Variants in SOX6 observed in about 807,000 individuals in gnomAD.
SOX6 encodes transcription factor SOX-6.
In SOX6, 11 loss-of-function variants were observed where a neutral mutation model predicts 97.8. The observed-to-expected ratio is 0.11, with a 90% CI of 0.07 to 0.19. The LOEUF is 0.19. Among genes scored for constraint, SOX6 ranks in the 10% least tolerant of loss-of-function variants. The pLI is 1.00. For synonymous variants in SOX6, 360 were observed against 371.4 expected (o/e 0.97, Z 0.35); for missense variants, 810 against 1,039.5 (o/e 0.78, Z 3.04).
chr11:16,528,149 G>A (rs1164870325), intron 4 of SOX6, among the ~76,000 whole-genome samples: 3 of 152,034 alleles, frequency 2.0e-5, no homozygotes. Flanking sequence ...CACAGGATAA[G>A]AGGCCCGGTA....
chr11:16,535,316 C>A (rs1861291212), intron 4 of SOX6, among the ~76,000 whole-genome samples: 2 of 152,168 alleles, frequency 1.3e-5, no homozygotes, highest in Admixed American at 6.5e-5. Context: ...ATTATTTATA[C>A]CTATGCCCCA....
chr11:16,443,265 C>A (rs1859541797), intron 1 of SOX6, among the ~76,000 whole-genome samples: 1 of 152,042 alleles, frequency 6.6e-6, no homozygotes, highest in Non-Finnish European at 1.5e-5. Context: ...ATGATTTCTC[C>A]TTTACTTGTC....
At chr11:16,484,195 G>A (rs1267996981) in intron 4 of SOX6, 6 of 800,434 alleles carry the variant, frequency 7.5e-6, no homozygotes, top group African/African-American at 1.7e-5. Flanking sequence ...TGAAGTTGGA[G>A]ATGCCAATAG....
Position 16,194,506 on chromosome 11 carries a change from G to A in SOX6, c.536-7551C>T, listed in dbSNP as rs116852628. On this transcript the variant is annotated intron_variant, in intron 4 of 15. Transcript: ENST00000683767. The stretch of plus-strand genomic sequence containing the variant: ...CAGGAAGTGTGCCTCATGAGTTGAG[G>A]TATAGGCTGTTTGTTACTGTTGTTG... 7.9e-5 allele frequency among the ~76,000 whole-genome samples: 12 copies of A among 152,232 alleles called. No individual in the cohort carries two copies. In the East Asian group the frequency reaches 2.3e-3, roughly 29 times the overall value.
At chr11:16,484,942 T>C (rs924193528) in intron 4 of SOX6, among the ~76,000 whole-genome samples, 3 of 152,120 alleles carry the variant, frequency 2.0e-5, no homozygotes, top group African/African-American at 4.8e-5. Context: ...TCTCCTTGAG[T>C]GGACCAGGAG....
At chr11:16,698,923 A>G (rs1301360199) in intron 3 of SOX6, among the ~76,000 whole-genome samples, 7 of 152,228 alleles carry the variant, frequency 4.6e-5, no homozygotes, top group Admixed American at 3.9e-4. Flanking sequence ...AGATATAACA[A>G]TAATGAAAAA....
intron 6 of SOX6, among the ~76,000 whole-genome samples, chr11:16,145,693 C>T (rs1388042596): frequency 1.3e-5 from 2 of 152,146 alleles, no homozygotes; most frequent in Non-Finnish European, 2.9e-5. Context: ...CACAAGCATT[C>T]TCATACACCA....
At chr11:16,368,374 C>G (rs1590163983) in intron 1 of SOX6, among the ~76,000 whole-genome samples, 2 of 152,192 alleles carry the variant, frequency 1.3e-5, no homozygotes, top group South Asian at 4.2e-4. Flanking sequence ...CCCAGCTACT[C>G]AGAAGGCTGA....
At chr11:16,422,138 T>C (rs1859032232) in intron 1 of SOX6, among the ~76,000 whole-genome samples, 1 of 152,186 alleles carries the variant, frequency 6.6e-6, no homozygotes, top group African/African-American at 2.4e-5. Context: ...TCACTTTCCT[T>C]GCAGTTGGTA....
chr11:16,336,639 C>A (rs1338214226), intron 2 of SOX6, among the ~76,000 whole-genome samples: 1 of 152,078 alleles, frequency 6.6e-6, no homozygotes, highest in Non-Finnish European at 1.5e-5. Flanking sequence ...TAAATCAAAT[C>A]ATGTTACTCC....
intron 3 of SOX6, among the ~76,000 whole-genome samples, chr11:16,629,036 T>C (rs1276471538): frequency 1.3e-5 from 2 of 152,224 alleles, no homozygotes; most frequent in Non-Finnish European, 2.9e-5. Flanking sequence ...AATCATATAA[T>C]CTGTGAAAAG....
At chr11:16,558,941 T>C (rs907710832) in intron 4 of SOX6, among the ~76,000 whole-genome samples, 2 of 152,102 alleles carry the variant, frequency 1.3e-5, no homozygotes, top group Non-Finnish European at 2.9e-5. Flanking sequence ...ATTTTAATTG[T>C]AGTAAACTGA....
intron 3 of SOX6, among the ~76,000 whole-genome samples, chr11:16,708,982 C>G (rs1269084557): frequency 6.6e-6 from 1 of 152,124 alleles, no homozygotes; most frequent in Non-Finnish European, 1.5e-5. Flanking sequence ...GCATTGTGTA[C>G]CATGTTTAAA....
At chr11:16,417,086 T>C (rs1590195242) in intron 1 of SOX6, among the ~76,000 whole-genome samples, 1 of 152,288 alleles carries the variant, frequency 6.6e-6, no homozygotes, top group South Asian at 2.1e-4. Context: ...GAGTTGCTTT[T>C]GTTGAGGAAG....
intron 14 of SOX6, among the ~76,000 whole-genome samples, chr11:15,987,879 A>G (rs1853916541): frequency 6.6e-6 from 1 of 152,180 alleles, no homozygotes; most frequent in Non-Finnish European, 1.5e-5. Flanking sequence ...AATCAAAAAA[A>G]AAAGAAAAAC....
intron 4 of SOX6, among the ~76,000 whole-genome samples, chr11:16,191,284 G>A (rs1056100996): frequency 6.6e-6 from 1 of 151,972 alleles, no homozygotes; most frequent in Admixed American, 6.6e-5. Flanking sequence ...GTAAGAACCT[G>A]TCTCTCCAAA....
intron 4 of SOX6, among the ~76,000 whole-genome samples, chr11:16,499,064 C>G (rs1860658087): frequency 6.6e-6 from 1 of 152,156 alleles, no homozygotes; most frequent in Non-Finnish European, 1.5e-5. Context: ...GGAAGTAAAG[C>G]ACTCCGCAGC....
Position 15,973,096 on chromosome 11 carries a change from G to C in SOX6, c.2200C>G (p.Pro734Ala). The change falls in exon 16 of 16, where the codon CCA becomes GCA. Residue 734 changes from proline (P) to alanine (A), a missense_variant. Around this residue, in one of 9 missense-constraint regions of SOX6, gnomAD observed 122 missense variants for 153.4 expected, o/e 0.80. Coordinates refer to ENST00000683767, the MANE Select transcript of SOX6 (RefSeq NM_001367873.1). ...FFTVGQQPQIPITTGTGVVYP... is the reference protein window; with the variant it reads ...FFTVGQQPQIAITTGTGVVYP... ...ACAACACCTGTTCCTGTGGTGATTG[G>C]AATCTGAGGCTGTTGCCTATATAGA... The C allele has an allele frequency of 6.2e-7, 1 of 1,614,100 alleles. No individual in the cohort carries two copies. Among genetic ancestry groups the C allele is most frequent in the Non-Finnish European group, 8.5e-7 (1 of 1,180,026 alleles).
chr11:16,079,959 T>C (rs573399166), intron 9 of SOX6, among the ~76,000 whole-genome samples: 2 of 148,560 alleles, frequency 1.3e-5, no homozygotes, highest in South Asian at 2.1e-4. Context: ...ATGTGCTTTA[T>C]TGTCATTAGA....
Sources: gnomAD v4.1 joint callset for allele counts (sites outside exome capture counted in the v4.1 genomes callset) on GRCh38, gnomAD v4.1.1 for gene constraint, gnomAD v4.1.1 regional missense constraint, MANE v1.5 for transcripts, NCBI Gene and HGNC (gene_info 2026-07-23, HGNC 2026-07-21) for gene names.